SH3GL2: variants seen among roughly 807,000 people sequenced by gnomAD.
The protein encoded by SH3GL2 is SH3 domain containing GRB2 like 2, endophilin A1.
Under a neutral mutation model 46.0 loss-of-function variants are expected in SH3GL2, and 24 were observed. The ratio of observed to expected loss-of-function variants is 0.52; its 90% confidence interval spans 0.38 to 0.73. The LOEUF is 0.73. SH3GL2 is among the 30% of genes least tolerant of loss of function. SH3GL2 has a pLI of 0.00. For synonymous variants in SH3GL2, 196 were observed against 147.1 expected (o/e 1.33, Z -2.40); for missense variants, 413 against 424.2 (o/e 0.97, Z 0.23).
At chr9:17,585,987 A>G (rs115569501) in intron 1 of SH3GL2, among the ~76,000 whole-genome samples, 86 of 152,338 alleles carry the variant, frequency 5.6e-4, no homozygotes, top group African/African-American at 2.1e-3. Flanking sequence ...TGTACATGGT[A>G]TCCGATGGAT....
At chr9:17,599,002 A>G (rs1422999688) in intron 1 of SH3GL2, among the ~76,000 whole-genome samples, 1 of 152,246 alleles carries the variant, frequency 6.6e-6, no homozygotes, top group Admixed American at 6.5e-5. Context: ...AGCAATAAGT[A>G]GTACATTGTG....
At position 17,697,673 on chromosome 9, in the gene SH3GL2, A is replaced by G. The variant is rs550954630; in HGVS notation, c.46-49393A>G. ...CTTCATTAGACATCCACTAGTACAT[A>G]ACTTTGTCACTGAAACCATATCATT... is the stretch of plus-strand genomic sequence containing the variant. On this transcript the variant is annotated intron_variant, in intron 1 of 8. Transcript: ENST00000380607. Among the ~76,000 whole-genome samples, 3 of 152,298 alleles carry G rather than the reference A, an allele frequency of 2.0e-5. No homozygotes were observed. In the South Asian group the frequency reaches 6.2e-4, roughly 32 times the overall value.
At position 17,628,391 on chromosome 9, in the gene SH3GL2, G is replaced by A. The variant is rs73645105; in HGVS notation, c.45+49104G>A. The stretch of plus-strand genomic sequence containing the variant: ...AAAATGCATCTCTAGTTCTGGGGAT[G>A]CCCAGATAACTATATCTTGGGTGTG... On this transcript the variant is annotated intron_variant, in intron 1 of 8. Coordinates refer to ENST00000380607, the MANE Select transcript of SH3GL2 (RefSeq NM_003026.5). Among the ~76,000 whole-genome samples the A allele has an allele frequency of 7.5e-3, 1,127 of 151,182 alleles. 14 individuals are homozygous for A. Among genetic ancestry groups the A allele is most frequent in the African/African-American group, 0.026 (1,072 of 41,114 alleles).
chr9:17,787,679 G>A (rs1165110310), intron 5 of SH3GL2, among the ~76,000 whole-genome samples, 166 bp downstream of exon 5: 2 of 152,114 alleles, frequency 1.3e-5, no homozygotes, highest in Non-Finnish European at 2.9e-5. Context: ...CCAGAAATGT[G>A]ATACTTTTCA....
intron 1 of SH3GL2, among the ~76,000 whole-genome samples, chr9:17,711,236 A>G (rs1821613587): frequency 6.6e-6 from 1 of 151,940 alleles, no homozygotes; most frequent in African/African-American, 2.4e-5. Context: ...TTTTATTTGA[A>G]GAACTAACTT....
At chr9:17,679,656 C>G (rs1820714795) in intron 1 of SH3GL2, among the ~76,000 whole-genome samples, 1 of 152,164 alleles carries the variant, frequency 6.6e-6, no homozygotes, top group African/African-American at 2.4e-5. Flanking sequence ...CCAGAACTTT[C>G]AACACTATGT....
At chr9:17,604,001 G>T (rs1270943445) in intron 1 of SH3GL2, among the ~76,000 whole-genome samples, 1 of 152,180 alleles carries the variant, frequency 6.6e-6, no homozygotes, top group African/African-American at 2.4e-5. Flanking sequence ...AAAAAAGGGT[G>T]AGTCAGTCTC....
At chr9:17,715,908 C>T (rs1273810775) in intron 1 of SH3GL2, among the ~76,000 whole-genome samples, 1 of 152,000 alleles carries the variant, frequency 6.6e-6, no homozygotes, top group Non-Finnish European at 1.5e-5. Context: ...GTGAATATCT[C>T]ATGCAGTTTA....
At chr9:17,765,946 C>T (rs890350277) in intron 3 of SH3GL2, among the ~76,000 whole-genome samples, 3 of 152,210 alleles carry the variant, frequency 2.0e-5, no homozygotes, top group Non-Finnish European at 4.4e-5. Flanking sequence ...ACTAAAACTT[C>T]TCTAATACAA....
intron 1 of SH3GL2, among the ~76,000 whole-genome samples, chr9:17,593,525 G>T (rs1317587039): frequency 1.3e-5 from 2 of 152,136 alleles, no homozygotes; most frequent in African/African-American, 4.8e-5. Context: ...GAGAAACTGT[G>T]TTTGTTTTTT....
rs376469243 is a variant in SH3GL2, at chr9:17,732,305, G to T, written c.46-14761G>T. ...AAGAGGCATATCTGGTGGGAAAGAG[G>T]AAAAGACAAATGCATGGTGGTTCAG... is the stretch of plus-strand genomic sequence containing the variant. On this transcript the variant is annotated intron_variant, in intron 1 of 8. Coordinates refer to ENST00000380607, the MANE Select transcript of SH3GL2 (RefSeq NM_003026.5). Among the ~76,000 whole-genome samples, 3 of 152,084 alleles carry T rather than the reference G, an allele frequency of 2.0e-5. No homozygotes were observed. In the South Asian group the frequency reaches 6.2e-4, roughly 31 times the overall value.
intron 3 of SH3GL2, among the ~76,000 whole-genome samples, chr9:17,780,027 G>A (rs555275722): frequency 5.9e-5 from 9 of 152,270 alleles, no homozygotes; most frequent in Admixed American, 2.0e-4. Context: ...AAAAACTGCC[G>A]TGTCCAGACC....
At chr9:17,620,653 G>A (rs1031567540) in intron 1 of SH3GL2, among the ~76,000 whole-genome samples, 2 of 152,150 alleles carry the variant, frequency 1.3e-5, no homozygotes, top group Non-Finnish European at 2.9e-5. Flanking sequence ...GTCCAGCAAT[G>A]GGATTGGAGA....
Position 17,684,915 on chromosome 9 carries a change from T to G in SH3GL2, c.46-62151T>G, listed in dbSNP as rs143039842. Among the ~76,000 whole-genome samples, 219 of 152,242 alleles carry G rather than the reference T, an allele frequency of 1.4e-3. 1 individual carries two copies. Among genetic ancestry groups the G allele is most frequent in the African/African-American group, 4.9e-3 (205 of 41,562 alleles). On this transcript the variant is annotated intron_variant, in intron 1 of 8. Transcript: ENST00000380607. ...GCCAACATTTAAAAATCAATGGAAATGAAGATAAGGCTCTGGTCTCAACCA... is the reference window on the plus strand; with the variant it reads ...GCCAACATTTAAAAATCAATGGAAAGGAAGATAAGGCTCTGGTCTCAACCA...
In SH3GL2 at chr9:17,752,261, A is replaced by T. The variant is rs988302997; in HGVS notation, c.114+5127A>T. On this transcript the variant is annotated intron_variant, in intron 2 of 8. Coordinates refer to ENST00000380607, the MANE Select transcript of SH3GL2 (RefSeq NM_003026.5). Reference sequence around the variant, plus strand: ...CAGACCTTCCCAGGACACGGTTTTCATCATGTCTCTGTGATTGTTTATTGA... The same window carrying T: ...CAGACCTTCCCAGGACACGGTTTTCTTCATGTCTCTGTGATTGTTTATTGA... Among the ~76,000 whole-genome samples the T allele has an allele frequency of 1.3e-5, 2 of 152,198 alleles. 1 individual carries two copies. Among genetic ancestry groups the T allele is most frequent in the East Asian group, 3.9e-4 (2 of 5,180 alleles).
At chr9:17,727,217 G>A (rs551792437) in intron 1 of SH3GL2, among the ~76,000 whole-genome samples, 7 of 152,120 alleles carry the variant, frequency 4.6e-5, no homozygotes, top group African/African-American at 1.7e-4. Context: ...GTTGTATGCG[G>A]TATAGTATTT....
At chr9:17,592,576 A>C (rs1480475753) in intron 1 of SH3GL2, among the ~76,000 whole-genome samples, 1 of 152,232 alleles carries the variant, frequency 6.6e-6, no homozygotes, top group Non-Finnish European at 1.5e-5. Context: ...ACAGGAGATT[A>C]ACAGATAAGT....
At chr9:17,787,620 T>C in intron 5 of SH3GL2, 107 bp downstream of exon 5, 1 of 830,336 alleles carries the variant, frequency 1.2e-6, no homozygotes, top group Non-Finnish European at 1.9e-6. Flanking sequence ...TGTTGTCAGC[T>C]CTGGGCACGT....
intron 1 of SH3GL2, among the ~76,000 whole-genome samples, chr9:17,683,216 C>G (rs1415407610): frequency 6.6e-6 from 1 of 152,044 alleles, no homozygotes; most frequent in East Asian, 1.9e-4. Context: ...CCTGCAGCTG[C>G]AAGGAGAATT....
Sources: allele counts gnomAD v4.1 joint callset (sites outside exome capture counted in the v4.1 genomes callset), GRCh38; gene constraint gnomAD v4.1.1; transcripts MANE v1.5; gene names NCBI Gene and HGNC (gene_info 2026-07-23, HGNC 2026-07-21).